EIF4ENIF1: variants seen among roughly 807,000 people sequenced by gnomAD.
EIF4ENIF1 encodes eukaryotic translation initiation factor 4E nuclear import factor 1, also known as eukaryotic translation initiation factor 4E transporter.
A neutral mutation model predicts 110.5 loss-of-function variants in EIF4ENIF1; 23 were observed. That is an observed-to-expected ratio of 0.21 (90% CI 0.15 to 0.29). EIF4ENIF1 has a LOEUF of 0.29. Among genes scored for constraint, EIF4ENIF1 ranks in the 10% least tolerant of loss-of-function variants. EIF4ENIF1 has a pLI of 1.00. For synonymous variants in EIF4ENIF1, 440 were observed against 437.0 expected (o/e 1.01, Z -0.09); for missense variants, 1,031 against 1,221.1 (o/e 0.84, Z 2.32).
intron 6 of EIF4ENIF1, 34 bp from the exon 7 acceptor site, chr22:31,458,684 A>G: frequency 2.6e-6 from 4 of 1,537,536 alleles, no homozygotes; most frequent in Non-Finnish European, 3.5e-6. Context: ...ACCGTCTGAT[A>G]AGTAAATCAC....
chr22:31,477,896 T>C (rs1167430811), intron 2 of EIF4ENIF1, among the ~76,000 whole-genome samples: 2 of 152,216 alleles, frequency 1.3e-5, no homozygotes, highest in Admixed American at 6.6e-5. Context: ...ATCAGTTCCA[T>C]GGTGTCAAGG....
intron 2 of EIF4ENIF1, among the ~76,000 whole-genome samples, chr22:31,474,658 T>C (rs1315574621): frequency 6.6e-6 from 1 of 152,084 alleles, no homozygotes; most frequent in East Asian, 1.9e-4. Context: ...TGAAGGCCCT[T>C]TCAGTAGAGT....
At chr22:31,443,129 C>G (rs898582654) in intron 15 of EIF4ENIF1, 35 bp from the exon 16 acceptor site, 5 of 1,609,064 alleles carry the variant, frequency 3.1e-6, no homozygotes, top group Non-Finnish European at 3.4e-6. Flanking sequence ...AGCACATTCT[C>G]TAAGTGCCGT....
chr22:31,463,581 G>C, intron 5 of EIF4ENIF1, 100 bp downstream of exon 5: 2 of 1,200,846 alleles, frequency 1.7e-6, no homozygotes, highest in Admixed American at 5.7e-5. Context: ...ACTGGGCTGA[G>C]GCAGCAGTGA....
At chr22:31,453,757 A>T (rs1266724942) in intron 10 of EIF4ENIF1, among the ~76,000 whole-genome samples, 2 of 152,250 alleles carry the variant, frequency 1.3e-5, no homozygotes, top group African/African-American at 4.8e-5. Context: ...GAAGATGTGA[A>T]TAAAGATTTT....
At chr22:31,441,441 G>A (rs2050292535) in intron 17 of EIF4ENIF1, among the ~76,000 whole-genome samples, 1 of 149,962 alleles carries the variant, frequency 6.7e-6, no homozygotes, top group South Asian at 2.1e-4. Flanking sequence ...TCGGGAGGCT[G>A]AGGCAGGAGA....
chr22:31,468,164 T>C lies in EIF4ENIF1; in HGVS notation c.298+11A>G, dbSNP rs199775256. The C allele has an allele frequency of 3.7e-6, 6 of 1,612,950 alleles. No homozygotes were observed. The highest frequency in any genetic ancestry group is 3.3e-5 in the South Asian group (3 of 90,812). On this transcript the variant is annotated intron_variant, in intron 4 of 18. Transcript: ENST00000330125. ...ATCACTAACCCCACTTCTGAGTGAC[T>C]GTGTGCTCACCTACTATCCTGCGCA...
intron 7 of EIF4ENIF1, among the ~76,000 whole-genome samples, chr22:31,456,527 A>G (rs1392036879): frequency 6.8e-6 from 1 of 147,406 alleles, no homozygotes. Context: ...CCGGTCTACT[A>G]TTTTTTTAAG....
At chr22:31,469,119 C>A (rs975627515) in intron 3 of EIF4ENIF1, among the ~76,000 whole-genome samples, 7 of 152,136 alleles carry the variant, frequency 4.6e-5, no homozygotes, top group African/African-American at 1.7e-4. Flanking sequence ...TTATTTTATT[C>A]TCTGTGTAAT....
intron 7 of EIF4ENIF1, among the ~76,000 whole-genome samples, chr22:31,456,908 T>A (rs576161115): frequency 6.6e-6 from 1 of 152,366 alleles, no homozygotes; most frequent in South Asian, 2.1e-4. Flanking sequence ...CTACCAAATG[T>A]TCTCAGAGAA....
rs1218359377 is a variant in EIF4ENIF1 at position 31,455,879 on chromosome 22, G to A, written c.1072C>T (p.Pro358Ser). ...GCAAGTCTCTCTAGCTCTTCATGTG[G>A]TGTTGACCCAAGACTGCTGGATCGG... ...GSRSSSLGST[P>S]HEELERLAGL... Residue 358 changes from proline (P) to serine (S), a missense_variant, in exon 8 of 19, where the codon CCA (proline) becomes TCA (serine). Physicochemically the swap from Pro to Ser is moderately conservative, Grantham distance 74. Coordinates refer to ENST00000330125, the MANE Select transcript of EIF4ENIF1 (RefSeq NM_019843.4). 1.1e-5 allele frequency: 18 copies of A among 1,614,060 alleles called. No individual in the cohort carries two copies. The highest frequency in any genetic ancestry group is 1.4e-5 in the Non-Finnish European group (17 of 1,180,040).
intron 10 of EIF4ENIF1, 69 bp from the exon 11 acceptor site, chr22:31,450,429 C>G: frequency 1.6e-6 from 2 of 1,261,522 alleles, no homozygotes; most frequent in Non-Finnish European, 2.3e-6. Flanking sequence ...GATTGGGGAC[C>G]ACAAGAAAGC....
At chr22:31,444,560 CAGGG>C in intron 15 of EIF4ENIF1, 42 bp downstream of exon 15, 1 of 1,584,090 alleles carries the variant, frequency 6.3e-7, no homozygotes, top group Non-Finnish European at 8.7e-7. Context: ...CACAACCAAA[CAGGG>C]AGAAGCCTTA....
At chr22:31,480,744 A>C (rs2051786330) in intron 2 of EIF4ENIF1, among the ~76,000 whole-genome samples, 2 of 151,840 alleles carry the variant, frequency 1.3e-5, no homozygotes, top group South Asian at 4.2e-4. Context: ...AACAGGAACA[A>C]AACTCCCTCT....
chr22:31,477,992 T>C (rs1843256937), intron 2 of EIF4ENIF1, among the ~76,000 whole-genome samples: 1 of 152,210 alleles, frequency 6.6e-6, no homozygotes, highest in Admixed American at 6.5e-5. Context: ...TCAAAAGATT[T>C]CCAATGAATG....
Position 31,488,759 on chromosome 22 carries a change from C to A in EIF4ENIF1, c.-27-14G>T, listed in dbSNP as rs770588860. The A allele has an allele frequency of 3.8e-6, 6 of 1,587,058 alleles. No individual in the cohort carries two copies. The African/African-American group carries it at 5.5e-5, about 14-fold the overall frequency. ...AATGCTCTGCACCTGGAAGATAAATCGGCACAAAATTGTCACCGAGAACAG... is the reference window on the plus strand; with the variant it reads ...AATGCTCTGCACCTGGAAGATAAATAGGCACAAAATTGTCACCGAGAACAG... On this transcript the variant is annotated splice_polypyrimidine_tract_variant and intron_variant, in intron 1 of 18. Transcript: ENST00000330125.
At position 31,439,410 on chromosome 22, in the gene EIF4ENIF1, A is replaced by C. The variant is rs1369821670; in HGVS notation, c.*470T>G. The stretch of plus-strand genomic sequence containing the variant: ...ATATGCAATTTTAATCAACCAAAAG[A>C]AAATCCCAAATGTACAAGTGAAAAA... On this transcript the variant is annotated 3_prime_UTR_variant, in exon 19 of 19. Coordinates refer to ENST00000330125, the MANE Select transcript of EIF4ENIF1 (RefSeq NM_019843.4). 1 of 156,478 alleles carries C rather than the reference A, an allele frequency of 6.4e-6. No individual in the cohort carries two copies. The highest frequency in any genetic ancestry group is 1.4e-5 in the Non-Finnish European group (1 of 70,328). 9.7% of individuals were successfully genotyped at this position (156,478 alleles called of 1,614,324 possible). A position where few individuals can be genotyped will look rare whatever the true frequency, so the allele number is the denominator to read the frequency against.
Position 31,441,834 on chromosome 22 carries a change from C to T in EIF4ENIF1, c.2491G>A (p.Val831Ile). 1.2e-6 allele frequency: 2 copies of T among 1,614,098 alleles called. No homozygotes were observed. Among genetic ancestry groups the T allele is most frequent in the Non-Finnish European group, 1.7e-6 (2 of 1,180,016 alleles). ...ACTCCCTGGGCCAGCATCCTCTGTA[C>T]CAACCCTGGGTGAAGCTGGTGAGCA... is the stretch of plus-strand genomic sequence containing the variant. ...RPAHQLHPGL[V>I]QRMLAQGVHP... The change falls in exon 17 of 19, where the codon GTA becomes ATA. Residue 831 changes from valine (V) to isoleucine (I), a missense_variant. Physicochemically the swap from Val to Ile is conservative, Grantham distance 29. Transcript: ENST00000330125.
chr22:31,439,729 T>C lies in EIF4ENIF1; in HGVS notation c.*151A>G, dbSNP rs981601743. The C allele has an allele frequency of 2.7e-6, 3 of 1,091,090 alleles. No homozygotes were observed. The African/African-American group carries it at 4.8e-5, about 17-fold the overall frequency. The allele number at this position is 1,091,090 out of a possible 1,614,324, so 67.6% of individuals were successfully genotyped here. On this transcript the variant is annotated 3_prime_UTR_variant, in exon 19 of 19. Coordinates refer to ENST00000330125, the MANE Select transcript of EIF4ENIF1 (RefSeq NM_019843.4). ...TCGACTGGTTAAGATCCTTCCATCATAATGCGGACCACACCAGATGCATGG... is the reference window on the plus strand; with the variant it reads ...TCGACTGGTTAAGATCCTTCCATCACAATGCGGACCACACCAGATGCATGG...
Sources: gnomAD v4.1 joint callset for allele counts (sites outside exome capture counted in the v4.1 genomes callset) on GRCh38, gnomAD v4.1.1 for gene constraint, MANE v1.5 for transcripts, NCBI Gene and HGNC (gene_info 2026-07-23, HGNC 2026-07-21) for gene names.